The following FBXW12 variants were observed in gnomAD, a reference collection of about 807,000 sequenced individuals.
FBXW12 encodes F-box and WD repeat domain containing 12.
FBXW12 carries 43 observed loss-of-function variants against 55.3 expected under a neutral mutation model. The observed-to-expected ratio is 0.78, with a 90% confidence interval of 0.61 to 1.00. The LOEUF is 1.00. FBXW12 is among the 50% of genes least tolerant of loss of function. The pLI is 0.00. For missense variants in FBXW12, 524 were observed against 560.5 expected (o/e 0.93, Z 0.66); for synonymous variants, 184 against 203.8 (o/e 0.90, Z 0.83).
At chr3:48,387,256 G>T (rs2036859346) in intron 10 of FBXW12, among the ~76,000 whole-genome samples, 1 of 151,962 alleles carries the variant, frequency 6.6e-6, no homozygotes, top group South Asian at 2.1e-4. Flanking sequence ...AATGTGTGTA[G>T]ATTTGTTTTT....
chr3:48,382,642 G>T (rs1432822947), intron 10 of FBXW12, among the ~76,000 whole-genome samples: 5 of 152,144 alleles, frequency 3.3e-5, no homozygotes, highest in African/African-American at 1.2e-4. Context: ...TTCTTGCTGA[G>T]TTGTACCTTT....
chr3:48,389,636 G>A (rs970129689), intron 10 of FBXW12, among the ~76,000 whole-genome samples: 14 of 152,112 alleles, frequency 9.2e-5, no homozygotes, highest in Non-Finnish European at 7.3e-5. Context: ...TCAGCCTCCC[G>A]AAGTGTTGGG....
At chr3:48,394,477 T>A in intron 10 of FBXW12, 83 bp from the exon 11 acceptor site, 1 of 782,620 alleles carries the variant, frequency 1.3e-6, no homozygotes, top group South Asian at 1.5e-5. Context: ...ATTGATATCT[T>A]AGTCAAGTTC....
At position 48,381,993 on chromosome 3, in the gene FBXW12, G is replaced by T. The variant is rs1223373398; in HGVS notation, c.1203G>T (p.Val401=). The T allele has an allele frequency of 6.2e-7, 1 of 1,614,162 alleles. No individual in the cohort carries two copies. Among genetic ancestry groups the T allele is most frequent in the East Asian group, 2.2e-5 (1 of 44,886 alleles). The change falls in exon 10 of 11, where the codon GTG becomes GTT. Residue 401 remains valine (V), a synonymous_variant. Coordinates refer to ENST00000296438, the MANE Select transcript of FBXW12 (RefSeq NM_207102.2). ...CYVLTTSENS[V]HVYMWEEGGR... ...TGCTCACCACATCCGAGAACTCTGT[G>T]CACGTGTACATGTGGGAAGAAGGAG...
In FBXW12 at chr3:48,372,702, AG is replaced by A; in HGVS notation, c.-65del. The A allele has an allele frequency of 6.2e-7, 1 of 1,612,700 alleles. No individual in the cohort carries two copies. Among genetic ancestry groups the A allele is most frequent in the Non-Finnish European group, 8.5e-7 (1 of 1,178,834 alleles). ...TTACAAGTGCTGCAGACTTTGGCAA[AG>A]CCTATAAATTCAGAGCAGCCCGGAG... On this transcript the variant is annotated 5_prime_UTR_variant, in exon 2 of 11. An upstream open reading frame in the 5' UTR gains an earlier in-frame stop. Transcript: ENST00000296438.
intron 10 of FBXW12, among the ~76,000 whole-genome samples, chr3:48,383,546 C>G (rs2036807446): frequency 1.3e-5 from 2 of 152,094 alleles, no homozygotes; most frequent in Admixed American, 6.5e-5. Flanking sequence ...TCTTTCTATT[C>G]TCTTCACAGT....
intron 3 of FBXW12, 86 bp downstream of exon 3, chr3:48,373,431 T>A: frequency 1.2e-6 from 2 of 1,611,322 alleles, no homozygotes; most frequent in South Asian, 2.2e-5. Context: ...CCTGTGTGGC[T>A]GTGTTGTGAG....
Position 48,380,843 on chromosome 3 carries a change from G to T in FBXW12, c.916G>T (p.Gly306Ter). 6.2e-7 allele frequency: 1 copy of T among 1,614,048 alleles called. No individual in the cohort carries two copies. Among genetic ancestry groups the T allele is most frequent in the Non-Finnish European group, 8.5e-7 (1 of 1,179,990 alleles). ...AACACTGATGTCCCAAAGTAGCACT[G>T]GAAAAAAGACAGAATTTATCACCTT... ...RITLMSQSST[G>*]KKTEFITFDL... Residue 306 changes from glycine (G) to a stop codon, truncating the protein, a stop_gained, in exon 8 of 11, where the codon GGA becomes TGA. Coordinates refer to ENST00000296438, the MANE Select transcript of FBXW12 (RefSeq NM_207102.2). LOFTEE classifies it high-confidence loss of function.
intron 10 of FBXW12, among the ~76,000 whole-genome samples, chr3:48,389,083 A>G (rs747236337): frequency 1.3e-5 from 2 of 151,984 alleles, no homozygotes; most frequent in South Asian, 4.1e-4. Flanking sequence ...AGTCTAATTT[A>G]TTTAGATTCC....
chr3:48,374,397 G>A (rs557505948), intron 4 of FBXW12, among the ~76,000 whole-genome samples: 72 of 149,432 alleles, frequency 4.8e-4, no homozygotes, highest in Non-Finnish European at 8.4e-4. Context: ...GCACGATCTC[G>A]GCTCACTGCA....
rs187973265 is a variant in FBXW12 at position 48,378,125 on chromosome 3, G to A, written c.406-192G>A. ...CTGTTATGTACCAAGTTCTTGTCTC[G>A]GAGCATAATGTGTAGTTCCTGTTTT... is the stretch of plus-strand genomic sequence containing the variant. On this transcript the variant is annotated intron_variant, in intron 5 of 10. Coordinates refer to ENST00000296438, the MANE Select transcript of FBXW12 (RefSeq NM_207102.2). Among the ~76,000 whole-genome samples the A allele has an allele frequency of 3.7e-4, 57 of 152,198 alleles. 1 individual carries two copies. Among genetic ancestry groups the A allele is most frequent in the African/African-American group, 9.9e-4 (41 of 41,528 alleles).
Position 48,373,654 on chromosome 3 carries a change from T to A in FBXW12, c.235T>A (p.Leu79Met), listed in dbSNP as rs1267166078. 6.2e-7 allele frequency: 1 copy of A among 1,614,164 alleles called. No homozygotes were observed. The highest frequency in any genetic ancestry group is 2.2e-5 in the East Asian group (1 of 44,872). The change falls in exon 4 of 11, where the codon TTG becomes ATG. Residue 79 changes from leucine to methionine, a missense_variant. By Grantham distance (15) the Leu-to-Met change is conservative (BLOSUM62 2). Coordinates refer to ENST00000296438, the MANE Select transcript of FBXW12 (RefSeq NM_207102.2). ...GCATCAAAGAAGGAAGGAGCTTCGGTTGGCATTGGCACAGCCGCATAACTT... is the reference window on the plus strand; with the variant it reads ...GCATCAAAGAAGGAAGGAGCTTCGGATGGCATTGGCACAGCCGCATAACTT... ...FLHQRRKELR[L>M]ALAQPHNFIY...
intron 7 of FBXW12, 58 bp downstream of exon 7, chr3:48,379,616 G>A: frequency 6.7e-7 from 1 of 1,499,124 alleles, no homozygotes; most frequent in Middle Eastern, 1.7e-4. Context: ...TAGGAAGCAT[G>A]CAGAGAAACT....
intron 10 of FBXW12, among the ~76,000 whole-genome samples, chr3:48,383,877 G>A (rs990290277): frequency 6.6e-6 from 1 of 152,114 alleles, no homozygotes; most frequent in Non-Finnish European, 1.5e-5. Flanking sequence ...ATATTTACAT[G>A]GGTTAGTTTT....
intron 4 of FBXW12, among the ~76,000 whole-genome samples, chr3:48,374,084 C>T (rs370230118): frequency 1.7e-4 from 26 of 152,030 alleles, no homozygotes; most frequent in East Asian, 1.3e-3. Context: ...TTTGAAAGGC[C>T]GAGGTGGGCA....
At chr3:48,376,429 CA>C (rs1410336026) in intron 5 of FBXW12, among the ~76,000 whole-genome samples, 1 of 152,118 alleles carries the variant, frequency 6.6e-6, no homozygotes, top group East Asian at 1.9e-4. Context: ...CAATGATTGG[CA>C]TTTGTTATAT....
intron 10 of FBXW12, among the ~76,000 whole-genome samples, chr3:48,390,492 A>G (rs2106654790): frequency 7.7e-6 from 1 of 129,382 alleles, no homozygotes; most frequent in African/African-American, 3.1e-5. Context: ...TTGGCTCGTT[A>G]CAACCTCCAC....
intron 10 of FBXW12, among the ~76,000 whole-genome samples, chr3:48,390,437 C>T (rs1469070111): frequency 2.0e-5 from 2 of 99,810 alleles, no homozygotes; most frequent in Non-Finnish European, 3.6e-5. Context: ...TTTTTTGAGG[C>T]AGAGTCTTAC....
chr3:48,391,843 G>A (rs1228790918), intron 10 of FBXW12, among the ~76,000 whole-genome samples: 1 of 152,166 alleles, frequency 6.6e-6, no homozygotes, highest in Non-Finnish European at 1.5e-5. Context: ...AAGCCTACTT[G>A]ATCATGGTGA....
Sources: gnomAD v4.1 joint callset for allele counts (sites outside exome capture counted in the v4.1 genomes callset) on GRCh38, gnomAD v4.1.1 for gene constraint, MANE v1.5 for transcripts, NCBI Gene and HGNC (gene_info 2026-07-23, HGNC 2026-07-21) for gene names.